CAPN12: variants seen among roughly 807,000 people sequenced by gnomAD.
The protein encoded by CAPN12 is calpain-12.
CAPN12 carries 107 observed loss-of-function variants against 95.0 expected under a neutral mutation model. That is an observed-to-expected ratio of 1.13 (90% CI 0.96 to 1.32). The LOEUF is 1.32. Ranked by LOEUF, CAPN12 falls within the 40% of genes most tolerant of loss-of-function variation. CAPN12 has a pLI of 0.00. For synonymous variants in CAPN12, 505 were observed against 415.5 expected (o/e 1.22, Z -2.62); for missense variants, 1,136 against 997.8 (o/e 1.14, Z -1.87).
intron 12 of CAPN12, 62 bp downstream of exon 12, chr19:38,736,048 C>CTCGGGGGTA: frequency 1.6e-6 from 1 of 644,338 alleles, no homozygotes; most frequent in South Asian, 2.4e-5. Flanking sequence ...TCTCGGGGGT[C>CTCGGGGGTA]TCGGGGGTCT....
chr19:38,736,109 C>T lies in CAPN12; in HGVS notation c.1583+1G>A, dbSNP rs1422399560. Reference sequence around the variant, plus strand: ...GTCGGATTTGGGTGCCCGGGGCTCACACGGCCGTGTGGCGGCGCTCGGAGA... The same window carrying T: ...GTCGGATTTGGGTGCCCGGGGCTCATACGGCCGTGTGGCGGCGCTCGGAGA... On this transcript the variant is annotated splice_donor_variant, in intron 12 of 20. Coordinates refer to ENST00000328867, the MANE Select transcript of CAPN12 (RefSeq NM_144691.4). LOFTEE classifies it high-confidence loss of function. The T allele has an allele frequency of 5.3e-6, 8 of 1,495,518 alleles. No individual in the cohort carries two copies. Among genetic ancestry groups the T allele is most frequent in the Non-Finnish European group, 8.9e-7 (1 of 1,126,090 alleles). The allele number at this position is 1,495,518 out of a possible 1,614,324, so 92.6% of individuals were successfully genotyped here.
chr19:38,734,964 C>T lies in CAPN12; in HGVS notation c.1687-94G>A. 5.8e-6 allele frequency: 7 copies of T among 1,197,182 alleles called. No homozygotes were observed. In the South Asian group the frequency reaches 6.7e-5, roughly 11 times the overall value. The allele number at this position is 1,197,182 out of a possible 1,614,324, so 74.2% of individuals were successfully genotyped here. On this transcript the variant is annotated intron_variant, in intron 14 of 20. Coordinates refer to ENST00000328867, the MANE Select transcript of CAPN12 (RefSeq NM_144691.4). Reference sequence around the variant, plus strand: ...GGGACACGGCAGGGGCTGACAGAGCCTCAGAGCCCTAGCTCCAGGAGTGGG... The same window carrying T: ...GGGACACGGCAGGGGCTGACAGAGCTTCAGAGCCCTAGCTCCAGGAGTGGG...
chr19:38,734,385 C>T lies in CAPN12; in HGVS notation c.1749G>A (p.Arg583=). The change falls in exon 16 of 21, where the codon AGG becomes AGA. Residue 583 remains arginine (R), a synonymous_variant. Transcript: ENST00000328867. ...TCTCTCTGGGGGTGGAGGTATGGGC[C>T]CTGGCTACAGGAAAAACAAAGTCAA... The part of the protein sequence containing the change: ...ALLSIALEPA[R]AHTSTPREIG... 6.3e-7 allele frequency: 1 copy of T among 1,589,086 alleles called. No homozygotes were observed. Among genetic ancestry groups the T allele is most frequent in the East Asian group, 2.2e-5 (1 of 44,568 alleles).
intron 18 of CAPN12, 178 bp downstream of exon 18, chr19:38,733,525 C>A (rs940285741): frequency 3.4e-6 from 2 of 580,428 alleles, no homozygotes; most frequent in South Asian, 4.3e-5. Context: ...CCTTCTCCTT[C>A]CTTATTTGGC....
chr19:38,742,048 G>C, intron 3 of CAPN12, 138 bp from the exon 4 acceptor site: 2 of 1,286,830 alleles, frequency 1.6e-6, no homozygotes, highest in Non-Finnish European at 2.1e-6. Flanking sequence ...ATGGCTGGCC[G>C]GGTGCGGTGG....
chr19:38,734,535 G>A (rs953228456), intron 15 of CAPN12, 146 bp from the exon 16 acceptor site: 13 of 726,070 alleles, frequency 1.8e-5, no homozygotes, highest in African/African-American at 7.1e-5. Context: ...TGACTGCTGC[G>A]CCTAGCAGAG....
chr19:38,741,628 T>C, intron 4 of CAPN12, 149 bp downstream of exon 4: 1 of 857,618 alleles, frequency 1.2e-6, no homozygotes, highest in African/African-American at 1.7e-5. Context: ...GATGTTGTGA[T>C]ATGAGGGTTC....
At position 38,736,223 on chromosome 19, in the gene CAPN12, G is replaced by GGTCAC; in HGVS notation, c.1465_1469dup (p.Arg491Ter). The GGTCAC allele has an allele frequency of 4.7e-6, 7 of 1,500,296 alleles. No individual in the cohort carries two copies. Among genetic ancestry groups the GGTCAC allele is most frequent in the Non-Finnish European group, 6.2e-6 (7 of 1,130,142 alleles). The allele number at this position is 1,500,296 out of a possible 1,614,324, so 92.9% of individuals were successfully genotyped here. A position where few individuals can be genotyped will look rare whatever the true frequency, so the allele number is the denominator to read the frequency against. On this transcript the variant is annotated stop_gained and frameshift_variant, in exon 12 of 21. Coordinates refer to ENST00000328867, the MANE Select transcript of CAPN12 (RefSeq NM_144691.4). LOFTEE classifies it high-confidence loss of function. Reference sequence around the variant, plus strand: ...GGCCTGGACGCAGGCAGCAGCGGCGGGTCACGTCGCGGCGGGCGCTGAGGG... The same window carrying GGTCAC: ...GGCCTGGACGCAGGCAGCAGCGGCGGGTCACGTCACGTCGCGGCGGGCGCTGAGGG...
chr19:38,734,607 C>T (rs940607464), intron 15 of CAPN12: 15 of 648,332 alleles, frequency 2.3e-5, no homozygotes, highest in Admixed American at 1.5e-4. Flanking sequence ...TGCCTTTCAG[C>T]GGAAGGGGAG....
At chr19:38,736,476 G>T in intron 11 of CAPN12, 76 bp downstream of exon 11, 1 of 438,804 alleles carries the variant, frequency 2.3e-6, no homozygotes, top group Non-Finnish European at 3.0e-6. Context: ...GTTTGACCAA[G>T]CCCCAGGGCA....
rs775104751 is a variant in CAPN12, at chr19:38,734,382, G to A, written c.1752C>T (p.Ala584=). 5.7e-6 allele frequency: 9 copies of A among 1,592,116 alleles called. No homozygotes were observed. Among genetic ancestry groups the A allele is most frequent in the Non-Finnish European group, 7.7e-6 (9 of 1,169,584 alleles). Residue 584 remains alanine, a synonymous_variant, in exon 16 of 21, where the codon GCC becomes GCT. Coordinates refer to ENST00000328867, the MANE Select transcript of CAPN12 (RefSeq NM_144691.4). ...CGATCTCTCTGGGGGTGGAGGTATG[G>A]GCCCTGGCTACAGGAAAAACAAAGT... is the stretch of plus-strand genomic sequence containing the variant. ...LLSIALEPAR[A]HTSTPREIGL... is the part of the protein sequence containing the mutation.
In CAPN12 at chr19:38,736,218, C is replaced by T. The variant is rs1447165659; in HGVS notation, c.1475G>A (p.Arg492His). Residue 492 changes from arginine to histidine, a missense_variant, in exon 12 of 21, where the codon CGC becomes CAC. Transcript: ENST00000328867. ...PLSARRDVTR[R>H]CCLRPGHYLV... The stretch of plus-strand genomic sequence containing the variant: ...GTAGTGGCCTGGACGCAGGCAGCAG[C>T]GGCGGGTCACGTCGCGGCGGGCGCT... 3.3e-6 allele frequency: 5 copies of T among 1,499,228 alleles called. No homozygotes were observed. Among genetic ancestry groups the T allele is most frequent in the East Asian group, 2.8e-5 (1 of 36,310 alleles). The allele number at this position is 1,499,228 out of a possible 1,614,324, so 92.9% of individuals were successfully genotyped here. A position where few individuals can be genotyped will look rare whatever the true frequency, so the allele number is the denominator to read the frequency against.
At position 38,737,560 on chromosome 19, in the gene CAPN12, G is replaced by T; in HGVS notation, c.1044C>A (p.Ser348Arg). 1 of 1,612,408 alleles carries T rather than the reference G, an allele frequency of 6.2e-7. No homozygotes were observed. Among genetic ancestry groups the T allele is most frequent in the Non-Finnish European group, 8.5e-7 (1 of 1,179,822 alleles). The stretch of plus-strand genomic sequence containing the variant: ...GGACGTGCCAGCCGCCCCCCTCCGG[G>T]CTGGGGCCCAGCACCTCCGGGCTCA... ...CSLSPEVLGP[S>R]PEGGGWHVHT... Residue 348 changes from serine (S) to arginine (R), a missense_variant, in exon 9 of 21, where the codon AGC (serine) becomes AGA (arginine). By Grantham distance (110) the Ser-to-Arg change is moderately radical. Transcript: ENST00000328867.
At position 38,737,398 on chromosome 19, in the gene CAPN12, G is replaced by A. The variant is rs755573482; in HGVS notation, c.1130-10C>T. 2 of 1,608,788 alleles carry A rather than the reference G, an allele frequency of 1.2e-6. No homozygotes were observed. Among genetic ancestry groups the A allele is most frequent in the South Asian group, 2.2e-5 (2 of 90,790 alleles). ...TTGGTCCAGAAGGTTTCTAAGGGAGGAGGAAAAAAGGGGGTTTCCTAGCCG... is the reference window on the plus strand; with the variant it reads ...TTGGTCCAGAAGGTTTCTAAGGGAGAAGGAAAAAAGGGGGTTTCCTAGCCG... On this transcript the variant is annotated splice_polypyrimidine_tract_variant and intron_variant, in intron 9 of 20. Transcript: ENST00000328867.
chr19:38,736,596 A>T, intron 10 of CAPN12, 33 bp from the exon 11 acceptor site: 2 of 1,592,576 alleles, frequency 1.3e-6, no homozygotes, highest in South Asian at 1.1e-5. Context: ...GCGTCGGGGC[A>T]GGGGAGAGGT....
At position 38,731,219 on chromosome 19, in the gene CAPN12, G is replaced by GT; in HGVS notation, c.1961_1962insA (p.Phe654LeufsTer18). On this transcript the variant is annotated frameshift_variant, in exon 19 of 21. Coordinates refer to ENST00000328867, the MANE Select transcript of CAPN12 (RefSeq NM_144691.4). LOFTEE classifies it high-confidence loss of function. ...TCTGGGTCAGCTGGTTGTTCAGGTGGAAGCCTAGGGGGAGGCTGCTTCTGA... is the reference window on the plus strand; with the variant it reads ...TCTGGGTCAGCTGGTTGTTCAGGTGGTAAGCCTAGGGGGAGGCTGCTTCTGA... 1.2e-6 allele frequency: 2 copies of GT among 1,612,374 alleles called. No homozygotes were observed. Among genetic ancestry groups the GT allele is most frequent in the Non-Finnish European group, 1.7e-6 (2 of 1,179,832 alleles).
intron 18 of CAPN12, chr19:38,731,445 G>A (rs1351667979): frequency 1.7e-6 from 1 of 586,428 alleles, no homozygotes; most frequent in Non-Finnish European, 3.1e-6. Flanking sequence ...TAGGGTGTGT[G>A]AAGACAGAAC....
chr19:38,736,292 G>A lies in CAPN12; in HGVS notation c.1401C>T (p.Arg467=). The part of the protein sequence containing the change: ...EELLGLWDSP[R]SHALLPRLLR... The stretch of plus-strand genomic sequence containing the variant: ...GCAGCCGGGGCAGGAGCGCATGGCT[G>A]CGCGGGGAATCCCAGAGGCCCAGCA... The change falls in exon 12 of 21, where the codon CGC becomes CGT. Residue 467 remains arginine, a synonymous_variant. Transcript: ENST00000328867. 1.4e-6 allele frequency: 2 copies of A among 1,442,606 alleles called. No individual in the cohort carries two copies. Among genetic ancestry groups the A allele is most frequent in the Non-Finnish European group, 1.8e-6 (2 of 1,104,974 alleles). 89.4% of individuals were successfully genotyped at this position (1,442,606 alleles called of 1,614,324 possible).
At chr19:38,733,922 G>A (rs560022619) in intron 17 of CAPN12, 141 bp from the exon 18 acceptor site, 15 of 807,280 alleles carry the variant, frequency 1.9e-5, no homozygotes, top group South Asian at 6.9e-5. Flanking sequence ...CTAGCCACTT[G>A]GGACTTCTGT....
Sources: gnomAD v4.1 joint callset for allele counts on GRCh38, gnomAD v4.1.1 for gene constraint, MANE v1.5 for transcripts, NCBI Gene and HGNC (gene_info 2026-07-23, HGNC 2026-07-21) for gene names.